SENP2: variants seen among roughly 807,000 people sequenced by gnomAD.
SENP2 encodes sentrin-specific protease 2.
Under a neutral mutation model 86.3 loss-of-function variants are expected in SENP2, and 16 were observed. The ratio of observed to expected loss-of-function variants is 0.19; its 90% CI spans 0.13 to 0.28. The LOEUF is 0.28. Ranked by LOEUF, SENP2 falls within the 10% of genes least tolerant of loss-of-function variation. The pLI is 1.00. For synonymous variants in SENP2, 222 were observed against 238.7 expected (o/e 0.93, Z 0.64); for missense variants, 552 against 703.0 (o/e 0.79, Z 2.43).
chr3:185,623,827 A>C (rs981310214), intron 14 of SENP2, among the ~76,000 whole-genome samples, 171 bp from the exon 15 acceptor site: 1 of 82,742 alleles, frequency 1.2e-5, no homozygotes, highest in Admixed American at 1.2e-4. Flanking sequence ...ACTCTGTCTC[A>C]AAAAAAAAAA....
At chr3:185,588,182 C>G (rs1167367242) in intron 1 of SENP2, among the ~76,000 whole-genome samples, 6 of 150,590 alleles carry the variant, frequency 4.0e-5, no homozygotes, top group African/African-American at 1.5e-4. Flanking sequence ...CTCAGCCTCC[C>G]GAGTAGCTGG....
chr3:185,615,827 T>G (rs1052158418), intron 11 of SENP2, among the ~76,000 whole-genome samples: 1 of 152,142 alleles, frequency 6.6e-6, no homozygotes, highest in African/African-American at 2.4e-5. Context: ...AAGGATGGTG[T>G]GACCCCTTAG....
chr3:185,624,228 A>C (rs1712035104), intron 15 of SENP2, 146 bp downstream of exon 15: 1 of 576,688 alleles, frequency 1.7e-6, no homozygotes, highest in Non-Finnish European at 3.0e-6. Flanking sequence ...TTTTTTGTAG[A>C]GATGGGATCT....
chr3:185,626,199 TTATAA>T (rs1712138006), intron 15 of SENP2, 94 bp from the exon 16 acceptor site: 1 of 731,216 alleles, frequency 1.4e-6, no homozygotes, highest in South Asian at 1.8e-5. Context: ...ATATTTACCT[TTATAA>T]TATTGTTTAC....
chr3:185,608,181 A>G lies in SENP2; in HGVS notation c.619-1066A>G, dbSNP rs76247522. 4.5e-3 allele frequency among the ~76,000 whole-genome samples: 681 copies of G among 152,370 alleles called. 5 individuals carry two copies. The highest frequency in any genetic ancestry group is 0.015 in the African/African-American group (637 of 41,590). ...CTGCCCTCTACGAGCTTATACATAA[A>G]TAGTTGCTATTTGATAAGGAGGCAG... On this transcript the variant is annotated intron_variant, in intron 6 of 16. Coordinates refer to ENST00000296257, the MANE Select transcript of SENP2 (RefSeq NM_021627.3).
intron 11 of SENP2, among the ~76,000 whole-genome samples, chr3:185,615,373 C>T (rs1157713359): frequency 2.0e-5 from 3 of 152,110 alleles, no homozygotes; most frequent in Non-Finnish European, 4.4e-5. Context: ...GACAGAGTTT[C>T]GCTCTTGTTG....
intron 16 of SENP2, among the ~76,000 whole-genome samples, chr3:185,629,226 G>A (rs1712299616): frequency 6.6e-6 from 1 of 152,302 alleles, no homozygotes; most frequent in Non-Finnish European, 1.5e-5. Flanking sequence ...CTGTGAAGTT[G>A]TACTATACTG....
intron 5 of SENP2, 87 bp from the exon 6 acceptor site, chr3:185,606,243 C>T: frequency 1.6e-6 from 2 of 1,284,638 alleles, no homozygotes; most frequent in Non-Finnish European, 2.1e-6. Context: ...CCTAAAGCAA[C>T]TTAATCACAG....
At chr3:185,594,815 C>T (rs140567825) in intron 2 of SENP2, among the ~76,000 whole-genome samples, 2,691 of 152,214 alleles carry the variant, frequency 0.018, 87 homozygotes, top group African/African-American at 0.062. Context: ...GACGGAGTTT[C>T]ACCATATTGG....
In SENP2 at chr3:185,603,310, A is replaced by G. The variant is rs1476042111; in HGVS notation, c.449+2455A>G. Among the ~76,000 whole-genome samples the G allele has an allele frequency of 2.0e-5, 3 of 152,216 alleles. No individual in the cohort carries two copies. The South Asian group carries it at 6.2e-4, about 32-fold the overall frequency. On this transcript the variant is annotated intron_variant, in intron 5 of 16. Transcript: ENST00000296257. ...AAAGTGAAGTTGCCAGCAGTTGGAC[A>G]AACTGACATCATGGCATTCAAATGT...
intron 5 of SENP2, among the ~76,000 whole-genome samples, chr3:185,602,311 T>A (rs1487113818): frequency 6.6e-6 from 1 of 152,166 alleles, no homozygotes; most frequent in African/African-American, 2.4e-5. Flanking sequence ...AAAGAAAGTA[T>A]AAAGTGAGTC....
At chr3:185,600,909 C>A in intron 5 of SENP2, 54 bp downstream of exon 5, 1 of 1,228,994 alleles carries the variant, frequency 8.1e-7, no homozygotes, top group Non-Finnish European at 1.2e-6. Context: ...TAGGTGCTCA[C>A]TCTTGCTAGG....
chr3:185,591,234 A>G (rs1721986820), intron 2 of SENP2, among the ~76,000 whole-genome samples: 2 of 151,730 alleles, frequency 1.3e-5, no homozygotes, highest in African/African-American at 4.8e-5. Flanking sequence ...TCCCTTTCTT[A>G]TCTTTTCTAG....
intron 8 of SENP2, among the ~76,000 whole-genome samples, chr3:185,611,968 C>G (rs13091418): frequency 0.38 from 57,799 of 151,860 alleles, 11,215 homozygotes; most frequent in South Asian, 0.56. Flanking sequence ...ACCAGCCTGG[C>G]GAACATGGTA....
intron 12 of SENP2, among the ~76,000 whole-genome samples, chr3:185,618,264 A>C (rs578122059): frequency 1.2e-3 from 185 of 152,298 alleles, no homozygotes; most frequent in Non-Finnish European, 2.1e-3. Flanking sequence ...TTTGAGTAAT[A>C]AAGGGATATA....
chr3:185,621,393 T>TC (rs1711880013), intron 13 of SENP2, among the ~76,000 whole-genome samples: 2 of 131,520 alleles, frequency 1.5e-5, no homozygotes, highest in Admixed American at 7.7e-5. Flanking sequence ...TTTCTTTTTT[T>TC]TTTTTTTTTT....
rs1469105100 is a variant in SENP2 at position 185,586,590 on chromosome 3, T to A, written c.101+76T>A. On this transcript the variant is annotated intron_variant, in intron 1 of 16. Coordinates refer to ENST00000296257, the MANE Select transcript of SENP2 (RefSeq NM_021627.3). The surrounding 1 kb of genome is among the most constrained non-coding windows in gnomAD (Gnocchi z 4.3). ...AGCGGGCTCCTCGGCCGTGATAGCT[T>A]TGATTCAGCCAGGCTCACCCGAAAC... 5.0e-6 allele frequency: 7 copies of A among 1,405,850 alleles called. No homozygotes were observed. The East Asian group carries it at 1.6e-4, about 32-fold the overall frequency. The allele number at this position is 1,405,850 out of a possible 1,614,324, so 87.1% of individuals were successfully genotyped here. A position where few individuals can be genotyped will look rare whatever the true frequency, so the allele number is the denominator to read the frequency against.
At chr3:185,592,007 A>ATTTTTTTTTTTTTTTTTTT (rs1261238822) in intron 2 of SENP2, among the ~76,000 whole-genome samples, 2 of 35,082 alleles carry the variant, frequency 5.7e-5, no homozygotes, top group Non-Finnish European at 1.1e-4. Flanking sequence ...AACCGGTAAT[A>ATTTTTTTTTTTTTTTTTTT]TTTCTTTTTT....
chr3:185,586,564 C>G lies in SENP2; in HGVS notation c.101+50C>G. On this transcript the variant is annotated intron_variant, in intron 1 of 16. Transcript: ENST00000296257. This position sits in a 1 kb window ranked among gnomAD's most constrained non-coding sequence, Gnocchi z 4.3. ...CAGCCTGGCCTTACCCCCTCCCCCA[C>G]AGCGGGCTCCTCGGCCGTGATAGCT... 1 of 1,538,608 alleles carries G rather than the reference C, an allele frequency of 6.5e-7. No homozygotes were observed. Among genetic ancestry groups the G allele is most frequent in the Admixed American group, 1.7e-5 (1 of 59,554 alleles).
Sources: allele counts gnomAD v4.1 joint callset (sites outside exome capture counted in the v4.1 genomes callset), GRCh38; gene constraint gnomAD v4.1.1; non-coding constraint Gnocchi (gnomAD v3.1); transcripts MANE v1.5; gene names NCBI Gene and HGNC (gene_info 2026-07-23, HGNC 2026-07-21).